DLGAP3: variants seen among roughly 807,000 people sequenced by gnomAD.
DLGAP3 encodes DLG associated protein 3.
In DLGAP3, 17 loss-of-function variants were observed where a neutral mutation model predicts 81.2. The ratio of observed to expected loss-of-function variants is 0.21; its 90% confidence interval spans 0.14 to 0.31. The LOEUF is 0.31. Ranked by LOEUF, DLGAP3 falls within the 10% of genes least tolerant of loss-of-function variation. The probability of loss-of-function intolerance (pLI) is 1.00; values close to 1 mark genes in which losing one functional copy is unlikely to be tolerated. For missense variants in DLGAP3, 1,124 were observed against 1,388.0 expected, an observed-to-expected ratio of 0.81 and a Z score of 3.02; for synonymous variants, 577 against 587.4, an observed-to-expected ratio of 0.98 and a Z score of 0.26.
At chr1:34,872,510 G>A (rs1209481534) in intron 8 of DLGAP3, among the ~76,000 whole-genome samples, 7 of 152,184 alleles carry the variant, frequency 4.6e-5, no homozygotes, top group Non-Finnish European at 1.0e-4. Flanking sequence ...GGTGTAGGCA[G>A]AATAATAGCC....
intron 11 of DLGAP3, 76 bp downstream of exon 11, chr1:34,866,972 G>T (rs554499740): frequency 6.4e-7 from 1 of 1,566,326 alleles, no homozygotes; most frequent in African/African-American, 1.3e-5. Flanking sequence ...CCCCTTGTTC[G>T]TCCCACCCTC....
chr1:34,908,965 C>T (rs925861328), intron 1 of DLGAP3, among the ~76,000 whole-genome samples: 4 of 152,252 alleles, frequency 2.6e-5, no homozygotes, highest in Admixed American at 6.5e-5. Flanking sequence ...AAGCATCTCT[C>T]TGCCTTGGAA....
intron 8 of DLGAP3, among the ~76,000 whole-genome samples, chr1:34,877,332 T>A (rs943970304): frequency 1.3e-5 from 2 of 152,130 alleles, no homozygotes; most frequent in Non-Finnish European, 2.9e-5. Flanking sequence ...GGAAGGAGGA[T>A]GCTGGGAAAT....
chr1:34,924,848 GGA>G (rs1376561510), intron 1 of DLGAP3, among the ~76,000 whole-genome samples: 1 of 152,164 alleles, frequency 6.6e-6, no homozygotes, highest in Non-Finnish European at 1.5e-5. Context: ...TAAACCATAG[GGA>G]GAACTCCAAA....
At chr1:34,878,408 A>C (rs932880445) in intron 8 of DLGAP3, among the ~76,000 whole-genome samples, 1 of 152,226 alleles carries the variant, frequency 6.6e-6, no homozygotes, top group Admixed American at 6.5e-5. Context: ...TGGAAAATTA[A>C]CCAAAAGCAA....
At position 34,904,180 on chromosome 1, in the gene DLGAP3, G is replaced by A; in HGVS notation, c.1107+97C>T. ...CCTACACCCAGGCCCTCCATCACAG[G>A]GACAGCTGGCTCCCACCCAACCCTT... On this transcript the variant is annotated intron_variant, in intron 3 of 11. Coordinates refer to ENST00000373347, the MANE Select transcript of DLGAP3 (RefSeq NM_001080418.3). The surrounding 1 kb of genome is among the most constrained non-coding windows in gnomAD (Gnocchi z 8.1). The A allele has an allele frequency of 6.8e-7, 1 of 1,481,314 alleles. No individual in the cohort carries two copies. Among genetic ancestry groups the A allele is most frequent in the Non-Finnish European group, 9.3e-7 (1 of 1,073,844 alleles). 91.8% of individuals were successfully genotyped at this position (1,481,314 alleles called of 1,614,324 possible). A position where few individuals can be genotyped will look rare whatever the true frequency, so the allele number is the denominator to read the frequency against.
At position 34,902,924 on chromosome 1, in the gene DLGAP3, T is replaced by A. The variant is rs376292954; in HGVS notation, c.1107+1353A>T. 1.3e-5 allele frequency among the ~76,000 whole-genome samples: 2 copies of A among 152,058 alleles called. No homozygotes were observed. Among genetic ancestry groups the A allele is most frequent in the South Asian group, 4.2e-4 (2 of 4,818 alleles). On this transcript the variant is annotated intron_variant, in intron 3 of 11. Transcript: ENST00000373347. The surrounding 1 kb of genome is among the most constrained non-coding windows in gnomAD (Gnocchi z 4.4). Reference sequence around the variant, plus strand: ...GGATGGGTGCTGCCTCCCTGCACCCTGCAGTTCCCAGCTTAGAGCACCTCC... The same window carrying A: ...GGATGGGTGCTGCCTCCCTGCACCCAGCAGTTCCCAGCTTAGAGCACCTCC...
chr1:34,911,518 G>A (rs1639640097), intron 1 of DLGAP3, among the ~76,000 whole-genome samples: 1 of 152,142 alleles, frequency 6.6e-6, no homozygotes, highest in Non-Finnish European at 1.5e-5. Flanking sequence ...GGGGGCCGAC[G>A]GAAGCAGCCA....
At chr1:34,898,355 C>T (rs1557482365) in intron 5 of DLGAP3, among the ~76,000 whole-genome samples, 1 of 152,140 alleles carries the variant, frequency 6.6e-6, no homozygotes, top group Non-Finnish European at 1.5e-5. Context: ...TCCAAGCCAA[C>T]CAAGTAAAGT....
rs749254185 is a variant in DLGAP3, at chr1:34,885,580, G to A, written c.1812C>T (p.Ala604=). ...TLELAPVPPR[A]SPKPPTLIIK... is the part of the protein sequence containing the mutation. The stretch of plus-strand genomic sequence containing the variant: ...TGATGAGTGTGGGGGGCTTGGGGCT[G>A]GCCCGGGGCGGCACCGGCGCCAACT... Residue 604 remains alanine, a synonymous_variant, in exon 7 of 12, where the codon GCC becomes GCT. Coordinates refer to ENST00000373347, the MANE Select transcript of DLGAP3 (RefSeq NM_001080418.3). 5.6e-6 allele frequency: 9 copies of A among 1,599,120 alleles called. No homozygotes were observed. Among genetic ancestry groups the A allele is most frequent in the South Asian group, 1.1e-5 (1 of 90,114 alleles).
chr1:34,885,960 C>A (rs1173018061), intron 6 of DLGAP3, 112 bp downstream of exon 6: 2 of 1,247,268 alleles, frequency 1.6e-6, no homozygotes, highest in Non-Finnish European at 2.2e-6. Flanking sequence ...TCATCCGACC[C>A]CGGGAGCGAG....
intron 8 of DLGAP3, among the ~76,000 whole-genome samples, chr1:34,883,992 C>T (rs1183008815): frequency 6.6e-6 from 1 of 151,960 alleles, no homozygotes. Context: ...AATCTCAGCT[C>T]GCTGCAACCT....
At chr1:34,881,766 T>G (rs573469726) in intron 8 of DLGAP3, among the ~76,000 whole-genome samples, 1 of 152,114 alleles carries the variant, frequency 6.6e-6, no homozygotes, top group South Asian at 2.1e-4. Flanking sequence ...ATGTTACACA[T>G]GGAAGGAGAA....
chr1:34,894,002 A>G (rs894605304), intron 5 of DLGAP3, among the ~76,000 whole-genome samples: 2 of 152,148 alleles, frequency 1.3e-5, no homozygotes, highest in East Asian at 3.9e-4. Flanking sequence ...AGCCTGGGCA[A>G]CATAGTGAAG....
rs1378214753 is a variant in DLGAP3, at chr1:34,905,215, T to C, written c.169A>G (p.Ile57Val). ...AGGCTCAGGGGCCCTTCAGGAGAAATGTGTCCCAGGCCAGCTCTCGGGGCA... is the reference window on the plus strand; with the variant it reads ...AGGCTCAGGGGCCCTTCAGGAGAAACGTGTCCCAGGCCAGCTCTCGGGGCA... Reference protein sequence around the residue: ...FCAPRAGLGHISPEGPLSLSE... With the variant: ...FCAPRAGLGHVSPEGPLSLSE... Residue 57 changes from isoleucine (I) to valine (V), a missense_variant, in exon 3 of 12, where the codon ATT (isoleucine) becomes GTT (valine). Coordinates refer to ENST00000373347, the MANE Select transcript of DLGAP3 (RefSeq NM_001080418.3). 6.3e-7 allele frequency: 1 copy of C among 1,593,510 alleles called. No homozygotes were observed. The highest frequency in any genetic ancestry group is 1.1e-5 in the South Asian group (1 of 87,506).
chr1:34,916,334 C>G (rs1301930332), intron 1 of DLGAP3, among the ~76,000 whole-genome samples: 9 of 152,252 alleles, frequency 5.9e-5, no homozygotes, highest in Non-Finnish European at 1.3e-4. Flanking sequence ...CATTCAAGCA[C>G]TGAATACATT....
rs1336193973 is a variant in DLGAP3, at chr1:34,902,082, G to T, written c.1108-1809C>A. On this transcript the variant is annotated intron_variant, in intron 3 of 11. Transcript: ENST00000373347. The surrounding 1 kb of genome is among the most constrained non-coding windows in gnomAD (Gnocchi z 4.4). ...GGAATTTGGATGCGTCTAGAGAGAT[G>T]CTGTCAGGAAGCTGAGGGAGTCCGT... is the stretch of plus-strand genomic sequence containing the variant. Among the ~76,000 whole-genome samples, 1 of 152,102 alleles carries T rather than the reference G, an allele frequency of 6.6e-6. No homozygotes were observed. The highest frequency in any genetic ancestry group is 1.9e-4 in the East Asian group (1 of 5,186).
intron 5 of DLGAP3, among the ~76,000 whole-genome samples, chr1:34,887,228 T>A (rs1406059215): frequency 6.6e-6 from 1 of 152,068 alleles, no homozygotes; most frequent in Non-Finnish European, 1.5e-5. Context: ...GTGCTGGGAT[T>A]ATAGGCGTGA....
At chr1:34,920,044 T>TG (rs1378866773) in intron 1 of DLGAP3, among the ~76,000 whole-genome samples, 1 of 152,112 alleles carries the variant, frequency 6.6e-6, no homozygotes, top group Non-Finnish European at 1.5e-5. Context: ...TGCCTAAGTA[T>TG]GCTGTCCCAC....
Sources: gnomAD v4.1 joint callset for allele counts (sites outside exome capture counted in the v4.1 genomes callset) on GRCh38, gnomAD v4.1.1 for gene constraint, Gnocchi (gnomAD v3.1) non-coding constraint, MANE v1.5 for transcripts, NCBI Gene and HGNC (gene_info 2026-07-23, HGNC 2026-07-21) for gene names.